Variants in GLT1D1 observed in about 807,000 individuals in gnomAD.
The protein encoded by GLT1D1 is glycosyltransferase 1 domain containing 1.
GLT1D1 carries 21 observed loss-of-function variants against 28.7 expected under a neutral mutation model. That is an observed-to-expected ratio of 0.73 (90% confidence interval 0.52 to 1.05). The LOEUF is 1.05. GLT1D1 is among the 50% of genes least tolerant of loss of function. The pLI, the probability that GLT1D1 is intolerant of heterozygous loss-of-function variation, is 0.00. For missense variants in GLT1D1, 343 were observed against 330.6 expected (o/e 1.04, Z -0.29); for synonymous variants, 147 against 124.8 (o/e 1.18, Z -1.19).
intron 6 of GLT1D1, among the ~76,000 whole-genome samples, chr12:128,955,811 C>T (rs1208082896): frequency 6.6e-6 from 1 of 151,924 alleles, no homozygotes; most frequent in Non-Finnish European, 1.5e-5. Context: ...TGACAGATGG[C>T]TCCATTGTGA....
intron 4 of GLT1D1, among the ~76,000 whole-genome samples, chr12:128,932,099 G>A (rs1873978112): frequency 6.6e-6 from 1 of 152,224 alleles, no homozygotes; most frequent in African/African-American, 2.4e-5. Flanking sequence ...TTAGGGAACA[G>A]TCGGGGGCGT....
At chr12:128,870,471 C>T (rs758446567) in intron 1 of GLT1D1, among the ~76,000 whole-genome samples, 2 of 151,998 alleles carry the variant, frequency 1.3e-5, no homozygotes, top group African/African-American at 4.8e-5. Context: ...TTCAAGAAAG[C>T]CTTTTTAAAT....
intron 4 of GLT1D1, among the ~76,000 whole-genome samples, chr12:128,919,945 C>T (rs991895213): frequency 3.3e-3 from 9 of 2,694 alleles, no homozygotes; most frequent in African/African-American, 4.7e-3. Context: ...TTGCTTATTT[C>T]TCTCTCTCTC....
intron 2 of GLT1D1, among the ~76,000 whole-genome samples, chr12:128,881,223 CAAAAAAAA>C (rs35871795): frequency 2.7e-5 from 2 of 73,588 alleles, no homozygotes; most frequent in Non-Finnish European, 5.6e-5. Context: ...GACTCCGTTT[CAAAAAAAA>C]AAAAAAAAAA....
chr12:128,931,903 GCACACACACGCACGCACA>G (rs988826656), intron 4 of GLT1D1, among the ~76,000 whole-genome samples: 2 of 137,842 alleles, frequency 1.5e-5, no homozygotes, highest in South Asian at 2.3e-4. Flanking sequence ...GAGGATATGT[GCACACACACGCACGCACA>G]CACACACACA....
intron 4 of GLT1D1, among the ~76,000 whole-genome samples, chr12:128,913,131 C>T (rs201568702): frequency 1.3e-5 from 2 of 152,196 alleles, no homozygotes; most frequent in East Asian, 3.9e-4. Context: ...GAACTCTTCT[C>T]CCTTCATACT....
intron 3 of GLT1D1, among the ~76,000 whole-genome samples, chr12:128,897,600 G>T (rs1869787763): frequency 6.6e-6 from 1 of 151,998 alleles, no homozygotes; most frequent in Non-Finnish European, 1.5e-5. Flanking sequence ...TGAGATATAT[G>T]ATATAAGGTA....
chr12:128,925,277 C>T (rs547433056), intron 4 of GLT1D1, among the ~76,000 whole-genome samples: 6 of 152,102 alleles, frequency 3.9e-5, no homozygotes, highest in Non-Finnish European at 8.8e-5. Context: ...ACAGATTATC[C>T]AATCACTTAG....
chr12:128,883,281 CG>C (rs1193549381), intron 2 of GLT1D1, among the ~76,000 whole-genome samples: 1 of 150,818 alleles, frequency 6.6e-6, no homozygotes, highest in East Asian at 2.0e-4. Context: ...CAGATAAGGT[CG>C]GGTGGCTGAT....
In GLT1D1 at chr12:128,978,029, C is replaced by T. The variant is rs189631052; in HGVS notation, c.640-4900C>T. Among the ~76,000 whole-genome samples, 262 of 151,984 alleles carry T rather than the reference C, an allele frequency of 1.7e-3. 2 individuals carry two copies. The highest frequency in any genetic ancestry group is 6.0e-3 in the African/African-American group (250 of 41,450). ...GGAACTCCTGACCTCAGGTAATCTG[C>T]CCACTTCAGCCTCCCAAAATGCTGG... On this transcript the variant is annotated intron_variant, in intron 7 of 7. Transcript: ENST00000281703.
rs544687907 is a variant in GLT1D1, at chr12:128,915,315, G to A, written c.375+16028G>A. On this transcript the variant is annotated intron_variant, in intron 4 of 7. Coordinates refer to ENST00000281703, the MANE Select transcript of GLT1D1 (RefSeq NM_144669.3). Reference sequence around the variant, plus strand: ...TTATTTTACTTTACTAATTATACACGTAGTTAAATTACCATTGTAGAAAAA... The same window carrying A: ...TTATTTTACTTTACTAATTATACACATAGTTAAATTACCATTGTAGAAAAA... 1.1e-4 allele frequency among the ~76,000 whole-genome samples: 16 copies of A among 151,486 alleles called. 1 individual carries two copies. In the East Asian group the frequency reaches 2.1e-3, roughly 20 times the overall value.
chr12:128,884,235 T>C (rs1049485780), intron 2 of GLT1D1, among the ~76,000 whole-genome samples: 4 of 152,216 alleles, frequency 2.6e-5, no homozygotes, highest in Non-Finnish European at 5.9e-5. Context: ...AAGGATATTC[T>C]GTCGTTTGTA....
intron 1 of GLT1D1, among the ~76,000 whole-genome samples, chr12:128,874,989 A>T (rs1038497513): frequency 1.3e-5 from 2 of 151,852 alleles, no homozygotes; most frequent in East Asian, 3.9e-4. Flanking sequence ...TTTTATATTT[A>T]TGTTACCAGG....
chr12:128,880,788 G>C (rs1233533510), intron 2 of GLT1D1, among the ~76,000 whole-genome samples: 1 of 152,118 alleles, frequency 6.6e-6, no homozygotes, highest in Non-Finnish European at 1.5e-5. Context: ...ATACAAAGAA[G>C]AAAATATGGC....
chr12:128,866,305 G>A (rs1273484452), intron 1 of GLT1D1, among the ~76,000 whole-genome samples: 2 of 151,280 alleles, frequency 1.3e-5, no homozygotes, highest in East Asian at 3.9e-4. Context: ...TCCTGACCTC[G>A]TGATCCACCC....
At chr12:128,921,155 C>T (rs1412381425) in intron 4 of GLT1D1, among the ~76,000 whole-genome samples, 1 of 151,672 alleles carries the variant, frequency 6.6e-6, no homozygotes, top group Non-Finnish European at 1.5e-5. Context: ...GGAAAGTGCA[C>T]ATAAGCTACT....
Position 128,918,589 on chromosome 12 carries a change from A to G in GLT1D1, c.375+19302A>G, listed in dbSNP as rs79317155. ...ATTTCCAAGCATTTTATCAGAAATA[A>G]TTTTCGTAGTGTATTCATCAATCTC... On this transcript the variant is annotated intron_variant, in intron 4 of 7. Coordinates refer to ENST00000281703, the MANE Select transcript of GLT1D1 (RefSeq NM_144669.3). Among the ~76,000 whole-genome samples, 15 of 152,294 alleles carry G rather than the reference A, an allele frequency of 9.8e-5. No homozygotes were observed. In the East Asian group the frequency reaches 2.9e-3, roughly 29 times the overall value.
At chr12:128,854,296 C>G (rs780120286) in intron 1 of GLT1D1, among the ~76,000 whole-genome samples, 9 of 152,230 alleles carry the variant, frequency 5.9e-5, no homozygotes, top group Non-Finnish European at 1.2e-4. Context: ...GCCTCCCACC[C>G]GCACAGCGGG....
rs1293141441 is a variant in GLT1D1, at chr12:128,864,069, T to TGTGTGCACTGTGGGCAG, written c.68+10423_68+10439dup. 2.7e-4 allele frequency: 160 copies of TGTGTGCACTGTGGGCAG among 592,076 alleles called. 1 individual carries two copies. Among genetic ancestry groups the TGTGTGCACTGTGGGCAG allele is most frequent in the African/African-American group, 2.5e-3 (133 of 53,802 alleles). The allele number at this position is 592,076 out of a possible 1,614,324, so 36.7% of individuals were successfully genotyped here. A position where few individuals can be genotyped will look rare whatever the true frequency, so the allele number is the denominator to read the frequency against. ...CTTCCAGGGGCCTGGCTTGTGCCGC[T>TGTGTGCACTGTGGGCAG]GTGTGCACTGTGGGCAGGTCCCTGC... On this transcript the variant is annotated intron_variant, in intron 1 of 7. Transcript: ENST00000281703.
Sources: gnomAD v4.1 joint callset for allele counts (sites outside exome capture counted in the v4.1 genomes callset) on GRCh38, gnomAD v4.1.1 for gene constraint, MANE v1.5 for transcripts, NCBI Gene and HGNC (gene_info 2026-07-23, HGNC 2026-07-21) for gene names.